Variants in PPP3CA observed in about 807,000 individuals in gnomAD.
PPP3CA encodes the protein CAM-PRP catalytic subunit.
In PPP3CA, 14 loss-of-function variants were observed where a neutral mutation model predicts 66.5. That is an observed-to-expected ratio of 0.21 (90% CI 0.14 to 0.33). The LOEUF (loss-of-function observed/expected upper bound fraction) is 0.33. Among genes scored for constraint, PPP3CA ranks in the 10% least tolerant of loss-of-function variants. The pLI is 1.00. For synonymous variants in PPP3CA, 232 were observed against 226.2 expected, an observed-to-expected ratio of 1.03 and a Z score of -0.23; for missense variants, 317 against 639.5, an observed-to-expected ratio of 0.50 and a Z score of 5.44.
At chr4:101,117,899 C>T (rs1486179031) in intron 2 of PPP3CA, among the ~76,000 whole-genome samples, 2 of 151,158 alleles carry the variant, frequency 1.3e-5, no homozygotes, top group South Asian at 2.1e-4. Flanking sequence ...TAATTTCAGC[C>T]GAATGTATAC....
chr4:101,337,920 T>C (rs566025402), intron 1 of PPP3CA, among the ~76,000 whole-genome samples: 1 of 152,206 alleles, frequency 6.6e-6, no homozygotes, highest in South Asian at 2.1e-4. Context: ...CAGCCTGTAC[T>C]CGTGATGGGC....
intron 9 of PPP3CA, among the ~76,000 whole-genome samples, chr4:101,063,023 T>G (rs1031916040): frequency 3.4e-5 from 5 of 144,938 alleles, no homozygotes; most frequent in African/African-American, 1.3e-4. Flanking sequence ...CTGTGTTTTG[T>G]TTTTTTTTTT....
intron 13 of PPP3CA, among the ~76,000 whole-genome samples, 162 bp from the exon 14 acceptor site, chr4:101,026,223 C>T (rs1726643631): frequency 6.6e-6 from 1 of 152,172 alleles, no homozygotes; most frequent in African/African-American, 2.4e-5. Flanking sequence ...GACTCCTTAC[C>T]ATACTCGGAA....
chr4:101,251,488 G>A (rs965622316), intron 1 of PPP3CA, among the ~76,000 whole-genome samples: 2 of 151,954 alleles, frequency 1.3e-5, no homozygotes, highest in African/African-American at 4.8e-5. Context: ...AAATTAAGTT[G>A]GATCCAACAA....
In PPP3CA at chr4:101,025,848, AAGTGAAC is replaced by A; in HGVS notation, c.*10_*16del. 7.5e-7 allele frequency: 1 copy of A among 1,340,572 alleles called. No homozygotes were observed. The highest frequency in any genetic ancestry group is 1.0e-6 in the Non-Finnish European group (1 of 1,000,964). 83.0% of individuals were successfully genotyped at this position (1,340,572 alleles called of 1,614,324 possible). On this transcript the variant is annotated 3_prime_UTR_variant, in exon 14 of 14. Transcript: ENST00000394854. ...AAAAAAAAAAAAAAAAAAAAAAAAA[AAGTGAAC>A]AGGAAGTGGTCACTGAATATTGCTG... is the stretch of plus-strand genomic sequence containing the variant.
intron 1 of PPP3CA, among the ~76,000 whole-genome samples, chr4:101,229,754 CAATGGAGAGGGTGA>C (rs1227092451): frequency 5.3e-5 from 8 of 151,382 alleles, no homozygotes; most frequent in Admixed American, 3.3e-4. Flanking sequence ...GTTTCATCCA[CAATGGAGAGGGTGA>C]AAAGGGCAGT....
At chr4:101,345,380 A>G (rs1729948619) in intron 1 of PPP3CA, among the ~76,000 whole-genome samples, 1 of 152,166 alleles carries the variant, frequency 6.6e-6, no homozygotes, top group Non-Finnish European at 1.5e-5. Flanking sequence ...GGGTTACTTC[A>G]CTTTTAAGTG....
chr4:101,113,030 G>A (rs1276617718), intron 2 of PPP3CA, among the ~76,000 whole-genome samples: 1 of 152,130 alleles, frequency 6.6e-6, no homozygotes, highest in Admixed American at 6.6e-5. Flanking sequence ...GTGATTGATA[G>A]AGATTGACAA....
intron 1 of PPP3CA, among the ~76,000 whole-genome samples, chr4:101,334,279 C>T (rs1039332441): frequency 9.2e-5 from 14 of 152,096 alleles, no homozygotes; most frequent in African/African-American, 2.4e-4. Context: ...GGATTACAGG[C>T]GCATGACACC....
chr4:101,330,619 G>C (rs1320193256), intron 1 of PPP3CA, among the ~76,000 whole-genome samples: 1 of 152,062 alleles, frequency 6.6e-6, no homozygotes, highest in East Asian at 1.9e-4. Flanking sequence ...TGTGTGACTA[G>C]CTTTCCTGTG....
At chr4:101,046,489 G>A (rs1447511674) in intron 10 of PPP3CA, among the ~76,000 whole-genome samples, 1 of 151,880 alleles carries the variant, frequency 6.6e-6, no homozygotes, top group Non-Finnish European at 1.5e-5. Context: ...CACAGCATAT[G>A]TATTTAAATG....
At chr4:101,329,379 G>A (rs1307478618) in intron 1 of PPP3CA, among the ~76,000 whole-genome samples, 1 of 152,172 alleles carries the variant, frequency 6.6e-6, no homozygotes, top group Non-Finnish European at 1.5e-5. Flanking sequence ...GAAATTAGCA[G>A]AAGTTGGTTC....
At chr4:101,046,255 C>T (rs1272899362) in intron 10 of PPP3CA, among the ~76,000 whole-genome samples, 2 of 150,994 alleles carry the variant, frequency 1.3e-5, no homozygotes, top group African/African-American at 2.5e-5. Flanking sequence ...GAAATAAAAA[C>T]GACCAGTTTG....
intron 10 of PPP3CA, among the ~76,000 whole-genome samples, chr4:101,043,557 TAAA>T (rs397973945): frequency 7.2e-6 from 1 of 139,354 alleles, no homozygotes; most frequent in Non-Finnish European, 1.6e-5. Context: ...TTTTCTTAAT[TAAA>T]AAAAAAAAAA....
In PPP3CA at chr4:101,297,014, G is replaced by C. The variant is rs114114054; in HGVS notation, c.58+49725C>G. Reference sequence around the variant, plus strand: ...AAAAAGTTTTAATATATGCACAATTGAGTACAATATCATTCTAGGAACTTA... The same window carrying C: ...AAAAAGTTTTAATATATGCACAATTCAGTACAATATCATTCTAGGAACTTA... On this transcript the variant is annotated intron_variant, in intron 1 of 13. Transcript: ENST00000394854. 1.6e-4 allele frequency among the ~76,000 whole-genome samples: 24 copies of C among 152,250 alleles called. 1 individual carries two copies. Among genetic ancestry groups the C allele is most frequent in the African/African-American group, 4.8e-4 (20 of 41,558 alleles).
intron 1 of PPP3CA, among the ~76,000 whole-genome samples, chr4:101,234,174 T>C (rs1377674388): frequency 1.3e-5 from 2 of 151,876 alleles, no homozygotes; most frequent in Non-Finnish European, 2.9e-5. Context: ...TCCATGTCTT[T>C]CCTGTTCTCA....
At chr4:101,259,852 C>T (rs1400153357) in intron 1 of PPP3CA, among the ~76,000 whole-genome samples, 1 of 152,114 alleles carries the variant, frequency 6.6e-6, no homozygotes, top group Non-Finnish European at 1.5e-5. Context: ...TGAATATGCT[C>T]CCACTTTATC....
In PPP3CA at chr4:101,106,458, A is replaced by AGAAGAGAAGAGAAG. The variant is rs1560605216; in HGVS notation, c.384+2495_384+2496insCTTCTCTTCTCTTC. ...GAAAGAAAGAAAGAAAGAAAGAGAA[A>AGAAGAGAAGAGAAG]AGAAAAGAAAAGAAAAGAAAAGAAA... On this transcript the variant is annotated intron_variant, in intron 3 of 13. Coordinates refer to ENST00000394854, the MANE Select transcript of PPP3CA (RefSeq NM_000944.5). Among the ~76,000 whole-genome samples, 50 of 32,716 alleles carry AGAAGAGAAGAGAAG rather than the reference A, an allele frequency of 1.5e-3. 10 individuals are homozygous for AGAAGAGAAGAGAAG. The highest frequency in any genetic ancestry group is 3.4e-3 in the African/African-American group (19 of 5,604). The allele number at this position is 32,716 out of a possible 152,430, so 21.5% of individuals were successfully genotyped here. A position where few individuals can be genotyped will look rare whatever the true frequency, so the allele number is the denominator to read the frequency against.
intron 1 of PPP3CA, among the ~76,000 whole-genome samples, chr4:101,275,872 GTT>G (rs1296846455): frequency 6.9e-5 from 9 of 129,724 alleles, no homozygotes; most frequent in African/African-American, 2.7e-4. Flanking sequence ...TTTTTTTTTT[GTT>G]TTTTGTTTGT....
Sources: allele counts gnomAD v4.1 joint callset (sites outside exome capture counted in the v4.1 genomes callset), GRCh38; gene constraint gnomAD v4.1.1; transcripts MANE v1.5; gene names NCBI Gene and HGNC (gene_info 2026-07-23, HGNC 2026-07-21).